Variants in HAT1 observed in about 807,000 individuals in gnomAD.
HAT1 encodes histone acetyltransferase 1.
HAT1 carries 20 observed loss-of-function variants against 56.6 expected under a neutral mutation model. The observed-to-expected ratio is 0.35, with a 90% CI of 0.25 to 0.51. HAT1 has a LOEUF of 0.51. Ranked by LOEUF, HAT1 falls within the 20% of genes least tolerant of loss-of-function variation. The pLI, the probability that HAT1 is intolerant of heterozygous loss-of-function variation, is 0.95. For synonymous variants in HAT1, 146 were observed against 165.5 expected, an observed-to-expected ratio of 0.88 and a Z score of 0.91; for missense variants, 408 against 504.3, an observed-to-expected ratio of 0.81 and a Z score of 1.83.
intron 10 of HAT1, chr2:171,980,031 C>G (rs551533042): frequency 3.9e-5 from 6 of 152,220 alleles, no homozygotes; most frequent in Non-Finnish European, 8.8e-5. Context: ...GCACGAGAAT[C>G]ACTTGAACCC....
chr2:171,967,905 C>T (rs1473540882), intron 8 of HAT1, among the ~76,000 whole-genome samples: 1 of 138,612 alleles, frequency 7.2e-6, no homozygotes, highest in Non-Finnish European at 1.6e-5. Context: ...CCACCCCCAC[C>T]AAAAAAAAAA....
intron 2 of HAT1, among the ~76,000 whole-genome samples, chr2:171,931,621 C>T (rs949572993): frequency 1.6e-4 from 24 of 151,924 alleles, no homozygotes; most frequent in African/African-American, 5.6e-4. Flanking sequence ...TTGCAGTGAG[C>T]CGAGATTGTG....
rs587686867 is a variant in HAT1 at position 171,953,626 on chromosome 2, T to TAAAAAAAAAAAAAAAAAAAAAAA, written c.309+632_309+654dup. ...GGCAACAGAACAAGACCCTGTCTCT[T>TAAAAAAAAAAAAAAAAAAAAAAA]AAAAAAAAAAAAAAAAAAAAAAAAA... is the stretch of plus-strand genomic sequence containing the variant. On this transcript the variant is annotated intron_variant, in intron 4 of 10. Transcript: ENST00000264108. Among the ~76,000 whole-genome samples the TAAAAAAAAAAAAAAAAAAAAAAA allele has an allele frequency of 2.6e-4, 22 of 84,610 alleles. 2 individuals are homozygous for TAAAAAAAAAAAAAAAAAAAAAAA. Among genetic ancestry groups the TAAAAAAAAAAAAAAAAAAAAAAA allele is most frequent in the Admixed American group, 4.9e-4 (3 of 6,084 alleles). 55.5% of individuals were successfully genotyped at this position (84,610 alleles called of 152,430 possible).
At chr2:171,950,456 C>T (rs1252735837) in intron 3 of HAT1, among the ~76,000 whole-genome samples, 4 of 151,712 alleles carry the variant, frequency 2.6e-5, no homozygotes, top group Non-Finnish European at 5.9e-5. Context: ...CCTAGAATTA[C>T]AGGCGTGAGC....
chr2:171,979,477 T>C (rs1241650539), intron 10 of HAT1, 114 bp downstream of exon 10: 4 of 641,868 alleles, frequency 6.2e-6, no homozygotes, highest in Non-Finnish European at 1.1e-5. Flanking sequence ...AATTAACTTT[T>C]ACAAAAGTAG....
chr2:171,975,319 G>C (rs1273704316), intron 8 of HAT1, among the ~76,000 whole-genome samples: 2 of 151,970 alleles, frequency 1.3e-5, no homozygotes, highest in African/African-American at 2.4e-5. Flanking sequence ...TGGCCAGGCT[G>C]GTCTCAAACT....
intron 2 of HAT1, among the ~76,000 whole-genome samples, chr2:171,933,264 G>C (rs1686789021): frequency 6.6e-6 from 1 of 152,120 alleles, no homozygotes; most frequent in African/African-American, 2.4e-5. Context: ...TCACTGTGTT[G>C]CTCAGGGTGG....
chr2:171,951,261 C>T (rs1452571741), intron 3 of HAT1, among the ~76,000 whole-genome samples: 1 of 152,068 alleles, frequency 6.6e-6, no homozygotes, highest in African/African-American at 2.4e-5. Flanking sequence ...AAAATTTCAG[C>T]CTTTCATATT....
In HAT1 at chr2:171,976,109, T is replaced by G. The variant is rs767771067; in HGVS notation, c.824-48T>G. On this transcript the variant is annotated intron_variant, in intron 8 of 10. Coordinates refer to ENST00000264108, the MANE Select transcript of HAT1 (RefSeq NM_003642.4). ...GAGATTGCAAAAGATGAAGAAATTATATTGAGTATCAGGGAAATGTTAATA... is the reference window on the plus strand; with the variant it reads ...GAGATTGCAAAAGATGAAGAAATTAGATTGAGTATCAGGGAAATGTTAATA... 8 of 1,210,632 alleles carry G rather than the reference T, an allele frequency of 6.6e-6. No homozygotes were observed. In the East Asian group the frequency reaches 2.1e-4, roughly 32 times the overall value. 75.0% of individuals were successfully genotyped at this position (1,210,632 alleles called of 1,614,324 possible).
intron 2 of HAT1, among the ~76,000 whole-genome samples, chr2:171,932,107 TG>T (rs1686764048): frequency 6.6e-6 from 1 of 152,234 alleles, no homozygotes; most frequent in Non-Finnish European, 1.5e-5. Context: ...GATAATGTGG[TG>T]AATTACATTG....
chr2:171,957,380 C>T (rs546633795), intron 4 of HAT1, among the ~76,000 whole-genome samples: 292 of 152,268 alleles, frequency 1.9e-3, no homozygotes, highest in African/African-American at 6.5e-3. Context: ...CTTCCATTTC[C>T]TTTTCTGGAA....
At chr2:171,967,266 A>C (rs1480479049) in intron 8 of HAT1, among the ~76,000 whole-genome samples, 1 of 152,186 alleles carries the variant, frequency 6.6e-6, no homozygotes, top group Non-Finnish European at 1.5e-5. Context: ...AAACAGTTGC[A>C]TTATTTAGAG....
chr2:171,976,153 T>G lies in HAT1; in HGVS notation c.824-4T>G. 6.7e-7 allele frequency: 1 copy of G among 1,493,206 alleles called. No homozygotes were observed. The highest frequency in any genetic ancestry group is 9.0e-7 in the Non-Finnish European group (1 of 1,115,322). 92.5% of individuals were successfully genotyped at this position (1,493,206 alleles called of 1,614,324 possible). A position where few individuals can be genotyped will look rare whatever the true frequency, so the allele number is the denominator to read the frequency against. ...GTTAATATTATTCTGCTTTATTTAT[T>G]TAGCGGAAGATCCATCCAAAAGCTA... On this transcript the variant is annotated splice_polypyrimidine_tract_variant and splice_region_variant and intron_variant, in intron 8 of 10. Coordinates refer to ENST00000264108, the MANE Select transcript of HAT1 (RefSeq NM_003642.4).
rs371956736 is a variant in HAT1 at position 171,979,261 on chromosome 2, G to A, written c.990G>A (p.Arg330=). Residue 330 remains arginine, a synonymous_variant, in exon 10 of 11, where the codon AGG becomes AGA. Coordinates refer to ENST00000264108, the MANE Select transcript of HAT1 (RefSeq NM_003642.4). Reference sequence around the variant, plus strand: ...TTTCATTCTAGCAACACGCTAGAAGGGTTTATGAAATTCTTCGACTACTGG... The same window carrying A: ...TTTCATTCTAGCAACACGCTAGAAGAGTTTATGAAATTCTTCGACTACTGG... ...KFKINKQHAR[R]VYEILRLLVT... 5 of 1,552,338 alleles carry A rather than the reference G, an allele frequency of 3.2e-6. No homozygotes were observed. Among genetic ancestry groups the A allele is most frequent in the Non-Finnish European group, 4.4e-6 (5 of 1,136,562 alleles).
At chr2:171,964,048 C>T (rs1248882463) in intron 4 of HAT1, among the ~76,000 whole-genome samples, 5 of 152,066 alleles carry the variant, frequency 3.3e-5, no homozygotes, top group East Asian at 1.9e-4. Context: ...TTGTGATAAA[C>T]GTCATCACTG....
chr2:171,943,887 G>A (rs1687091292), intron 2 of HAT1, among the ~76,000 whole-genome samples: 2 of 151,924 alleles, frequency 1.3e-5, no homozygotes, highest in South Asian at 4.1e-4. Flanking sequence ...GGTGGCTCAT[G>A]CCTGTAATTC....
chr2:171,978,307 A>G (rs1288736462), intron 9 of HAT1, among the ~76,000 whole-genome samples: 3 of 152,090 alleles, frequency 2.0e-5, no homozygotes, highest in East Asian at 3.8e-4. Context: ...TTGGCCTCCC[A>G]AAGTGCTGGA....
intron 9 of HAT1, among the ~76,000 whole-genome samples, chr2:171,978,661 T>C (rs2105348230): frequency 6.6e-6 from 1 of 152,342 alleles, no homozygotes. Context: ...CTCATCGTTT[T>C]TTATGTGATG....
chr2:171,977,524 AATATATATATAT>A (rs1174016253), intron 9 of HAT1, among the ~76,000 whole-genome samples: 4 of 36,352 alleles, frequency 1.1e-4, no homozygotes, highest in African/African-American at 3.0e-4. Context: ...CAGGCATATG[AATATATATATAT>A]ATATATATAT....
Sources: allele counts gnomAD v4.1 joint callset (sites outside exome capture counted in the v4.1 genomes callset), GRCh38; gene constraint gnomAD v4.1.1; transcripts MANE v1.5; gene names NCBI Gene and HGNC (gene_info 2026-07-23, HGNC 2026-07-21).